RDM1: variants seen among roughly 807,000 people sequenced by gnomAD.
RDM1 encodes RAD52 motif containing 1.
In RDM1, 28 loss-of-function variants were observed where a neutral mutation model predicts 27.7. That is an observed-to-expected ratio of 1.01 (90% confidence interval 0.75 to 1.39). RDM1 has a LOEUF of 1.39. Among genes scored for constraint, RDM1 ranks in the 40% most tolerant of loss-of-function variants. The pLI is 0.00. For missense variants in RDM1, 277 were observed against 337.3 expected (o/e 0.82, Z 1.40); for synonymous variants, 124 against 127.5 (o/e 0.97, Z 0.19).
chr17:35,930,539 A>C (rs1250115385), intron 1 of RDM1, 93 bp downstream of exon 1: 3 of 1,207,424 alleles, frequency 2.5e-6, no homozygotes, highest in Non-Finnish European at 3.5e-6. Flanking sequence ...GCGGAGGCTC[A>C]GGCAGGTGAG....
Position 35,918,426 on chromosome 17 carries a change from C to T in RDM1, c.771G>A (p.Trp257Ter). 2 of 1,614,076 alleles carry T rather than the reference C, an allele frequency of 1.2e-6. No individual in the cohort carries two copies. Among genetic ancestry groups the T allele is most frequent in the Non-Finnish European group, 1.7e-6 (2 of 1,179,970 alleles). The stretch of plus-strand genomic sequence containing the variant: ...CTTCCTCCTCTTGGCCATACTGCTT[C>T]CAGGGAGAGCAAGGGACCTGCAAAA... ...HGLIQVPCSP[W>*]KQYGQEEEGY... is the part of the protein sequence containing the mutation. Residue 257 changes from tryptophan (W) to a stop codon, truncating the protein, a stop_gained, in exon 7 of 7, where the codon TGG becomes TGA. Transcript: ENST00000620284. LOFTEE classifies it low-confidence loss of function (END_TRUNC).
chr17:35,922,396 A>AT (rs1007292983), intron 5 of RDM1, 181 bp downstream of exon 5: 57 of 724,046 alleles, frequency 7.9e-5, no homozygotes, highest in Non-Finnish European at 9.6e-5. Context: ...ATTTGCTGTC[A>AT]TTTTTTTTCA....
At chr17:35,920,304 A>C in intron 5 of RDM1, 32 bp from the exon 6 acceptor site, 1 of 1,146,956 alleles carries the variant, frequency 8.7e-7, no homozygotes, top group Non-Finnish European at 1.3e-6. Flanking sequence ...TCAATTCAGA[A>C]TCTTTTTCAT....
intron 5 of RDM1, among the ~76,000 whole-genome samples, chr17:35,920,621 G>A (rs1264233946): frequency 6.6e-6 from 1 of 151,708 alleles, no homozygotes; most frequent in East Asian, 1.9e-4. Context: ...CACTGTGCCT[G>A]CCTAATTTTT....
At chr17:35,923,074 G>C (rs547233453) in intron 4 of RDM1, among the ~76,000 whole-genome samples, 1 of 152,312 alleles carries the variant, frequency 6.6e-6, no homozygotes, top group South Asian at 2.1e-4. Context: ...CAGCACCTGG[G>C]GAGGCTGAGG....
intron 1 of RDM1, 64 bp downstream of exon 1, chr17:35,930,568 G>A: frequency 1.3e-6 from 2 of 1,487,908 alleles, no homozygotes; most frequent in Non-Finnish European, 1.8e-6. Context: ...GCAGGACTCC[G>A]GAACTCCCAG....
rs899615805 is a variant in RDM1 at position 35,925,698 on chromosome 17, G to C, written c.277-61C>G. On this transcript the variant is annotated intron_variant, in intron 2 of 6. Coordinates refer to ENST00000620284, the MANE Select transcript of RDM1 (RefSeq NM_145654.4). Reference sequence around the variant, plus strand: ...ACCGCTAGAGATTTTATTTTGGATAGATCTGAGATTTGTCAATACCAAGTG... The same window carrying C: ...ACCGCTAGAGATTTTATTTTGGATACATCTGAGATTTGTCAATACCAAGTG... The C allele has an allele frequency of 7.1e-6, 11 of 1,543,350 alleles. No individual in the cohort carries two copies. In the African/African-American group the frequency reaches 1.4e-4, roughly 19 times the overall value.
rs764771887 is a variant in RDM1 at position 35,920,281 on chromosome 17, A to C, written c.668-9T>G. The C allele has an allele frequency of 4.1e-6, 6 of 1,461,638 alleles. No individual in the cohort carries two copies. In the African/African-American group the frequency reaches 7.0e-5, roughly 17 times the overall value. The allele number at this position is 1,461,638 out of a possible 1,614,324, so 90.5% of individuals were successfully genotyped here. The stretch of plus-strand genomic sequence containing the variant: ...AGCTATTTTACCACTTTCTGAAATA[A>C]AGTTAGCGAGGATCAATTCAGAATC... On this transcript the variant is annotated splice_polypyrimidine_tract_variant and intron_variant, in intron 5 of 6. Transcript: ENST00000620284.
chr17:35,924,435 A>G (rs1326863145), intron 4 of RDM1, among the ~76,000 whole-genome samples, 169 bp downstream of exon 4: 1 of 152,232 alleles, frequency 6.6e-6, no homozygotes, highest in Non-Finnish European at 1.5e-5. Flanking sequence ...TATTGCCTAC[A>G]GTAAAACCCT....
At chr17:35,927,740 G>A (rs2089199425) in intron 2 of RDM1, among the ~76,000 whole-genome samples, 1 of 151,966 alleles carries the variant, frequency 6.6e-6, no homozygotes, top group South Asian at 2.1e-4. Flanking sequence ...CTTCATTACT[G>A]TCTCAGTGAT....
In RDM1 at chr17:35,924,769, G is replaced by A. The variant is rs756046687; in HGVS notation, c.403C>T (p.Gln135Ter). Residue 135 changes from glutamine to a stop codon, truncating the protein, a stop_gained, in exon 4 of 7, where the codon CAG becomes TAG. Coordinates refer to ENST00000620284, the MANE Select transcript of RDM1 (RefSeq NM_145654.4). LOFTEE classifies it high-confidence loss of function. Reference sequence around the variant, plus strand: ...CTTTCTTCAAGGTCAGAAAGCTCCTGAAGCTGTAAGGATATTTAATGTAAG... The same window carrying A: ...CTTTCTTCAAGGTCAGAAAGCTCCTAAAGCTGTAAGGATATTTAATGTAAG... ...NGCSKRIIKL[Q>*]ELSDLEEREN... 6.2e-6 allele frequency: 10 copies of A among 1,613,848 alleles called. No homozygotes were observed. Among genetic ancestry groups the A allele is most frequent in the Non-Finnish European group, 8.5e-6 (10 of 1,179,780 alleles).
rs1399398971 is a variant in RDM1, at chr17:35,921,566, C to T, written c.667+1011G>A. ...ATAGCATGACCAATTCCAAGGCTCA[C>T]GGCAAAGCAGCTGATTTTTGTATAA... On this transcript the variant is annotated intron_variant, in intron 5 of 6. Transcript: ENST00000620284. 6.5e-4 allele frequency among the ~76,000 whole-genome samples: 99 copies of T among 152,326 alleles called. 1 individual carries two copies. The highest frequency in any genetic ancestry group is 7.1e-4 in the Non-Finnish European group (48 of 68,030).
rs139001027 is a variant in RDM1 at position 35,919,484 on chromosome 17, A to G, written c.753+703T>C. On this transcript the variant is annotated intron_variant, in intron 6 of 6. Coordinates refer to ENST00000620284, the MANE Select transcript of RDM1 (RefSeq NM_145654.4). ...TGGTATGGCCTATGGCTCCTAAGCT[A>G]TAAACCTGTACTGTATGTTACTATA... 2.4e-3 allele frequency among the ~76,000 whole-genome samples: 365 copies of G among 152,330 alleles called. 2 individuals carry two copies. The highest frequency in any genetic ancestry group is 8.3e-3 in the African/African-American group (344 of 41,564).
chr17:35,919,977 G>C (rs1270991233), intron 6 of RDM1, among the ~76,000 whole-genome samples: 1 of 152,198 alleles, frequency 6.6e-6, no homozygotes, highest in African/African-American at 2.4e-5. Flanking sequence ...TACTCTGATA[G>C]TCCTCAGTTC....
Position 35,918,461 on chromosome 17 carries a change from G to A in RDM1, c.754-18C>T. 1 of 1,598,236 alleles carries A rather than the reference G, an allele frequency of 6.3e-7. No homozygotes were observed. Among genetic ancestry groups the A allele is most frequent in the South Asian group, 1.1e-5 (1 of 90,734 alleles). ...CAAGGGACCTGCAAAATGTGCGCTA[G>A]TTAGGGTGGCAGGCAGAACGCACAT... On this transcript the variant is annotated intron_variant, in intron 6 of 6. Coordinates refer to ENST00000620284, the MANE Select transcript of RDM1 (RefSeq NM_145654.4).
chr17:35,930,737 A>T lies in RDM1; in HGVS notation c.-10T>A. The T allele has an allele frequency of 6.2e-7, 1 of 1,611,796 alleles. No homozygotes were observed. Reference sequence around the variant, plus strand: ...GTACCAACTCCGCCATCCTCCCTTCACCGCACCTGCGCGGCTAACCCTCGC... The same window carrying T: ...GTACCAACTCCGCCATCCTCCCTTCTCCGCACCTGCGCGGCTAACCCTCGC... On this transcript the variant is annotated 5_prime_UTR_variant, in exon 1 of 7. It removes the in-frame stop codon of an upstream open reading frame in the 5' UTR. Coordinates refer to ENST00000620284, the MANE Select transcript of RDM1 (RefSeq NM_145654.4).
Position 35,930,182 on chromosome 17 carries a change from G to C in RDM1, c.170C>G (p.Ala57Gly). The change falls in exon 2 of 7, where the codon GCC becomes GGC. Residue 57 changes from alanine to glycine, a missense_variant. Transcript: ENST00000620284. The stretch of plus-strand genomic sequence containing the variant: ...AATGACGGCATAGAAACCAGGATGG[G>C]CCACTGCAGCATTTGGGAAGACCCG... ...SVRVFPNAAVAHPGFYAVIKF... is the reference protein window; with the variant it reads ...SVRVFPNAAVGHPGFYAVIKF... 1 of 1,614,168 alleles carries C rather than the reference G, an allele frequency of 6.2e-7. No individual in the cohort carries two copies. Among genetic ancestry groups the C allele is most frequent in the South Asian group, 1.1e-5 (1 of 91,084 alleles).
At chr17:35,921,003 A>G (rs1353002185) in intron 5 of RDM1, among the ~76,000 whole-genome samples, 1 of 152,238 alleles carries the variant, frequency 6.6e-6, no homozygotes, top group East Asian at 1.9e-4. Context: ...TTGTCTACTC[A>G]GGTGTCTACT....
chr17:35,928,104 A>G (rs776387882), intron 2 of RDM1, among the ~76,000 whole-genome samples: 3 of 152,188 alleles, frequency 2.0e-5, no homozygotes, highest in Non-Finnish European at 4.4e-5. Context: ...GGTTAATTCA[A>G]TGAGGAATGG....
Sources: gnomAD v4.1 joint callset for allele counts (sites outside exome capture counted in the v4.1 genomes callset) on GRCh38, gnomAD v4.1.1 for gene constraint, MANE v1.5 for transcripts, NCBI Gene and HGNC (gene_info 2026-07-23, HGNC 2026-07-21) for gene names.